Variants in KCNMB2 observed in about 807,000 individuals in gnomAD.
KCNMB2 encodes the protein calcium-activated potassium channel subunit beta-2.
KCNMB2 carries 9 observed loss-of-function variants against 24.5 expected under a neutral mutation model. That is an observed-to-expected ratio of 0.37 (90% CI 0.22 to 0.64). The LOEUF is 0.64. KCNMB2 is among the 30% of genes least tolerant of loss of function. The pLI is 0.63. For missense variants in KCNMB2, 226 were observed against 284.3 expected (o/e 0.79, Z 1.47); for synonymous variants, 109 against 104.4 (o/e 1.04, Z -0.27).
At chr3:178,782,449 C>A (rs1712896439) in intron 1 of KCNMB2, among the ~76,000 whole-genome samples, 1 of 152,050 alleles carries the variant, frequency 6.6e-6, no homozygotes, top group Admixed American at 6.6e-5. Context: ...CTCTCCAGCA[C>A]CTGTTGTTTC....
chr3:178,666,789 C>A (rs1303957952), intron 1 of KCNMB2, among the ~76,000 whole-genome samples: 1 of 152,126 alleles, frequency 6.6e-6, no homozygotes, highest in African/African-American at 2.4e-5. Flanking sequence ...ACCCTGTTAA[C>A]AACTTAATTG....
chr3:178,790,732 C>T (rs1713288900), intron 1 of KCNMB2, among the ~76,000 whole-genome samples: 1 of 152,192 alleles, frequency 6.6e-6, no homozygotes, highest in Non-Finnish European at 1.5e-5. Flanking sequence ...TGTCACCCCT[C>T]CAACAGCTCC....
intron 1 of KCNMB2, among the ~76,000 whole-genome samples, chr3:178,763,101 A>C (rs922315811): frequency 6.6e-6 from 1 of 152,178 alleles, no homozygotes; most frequent in African/African-American, 2.4e-5. Flanking sequence ...TTTGTGGTGG[A>C]AAAGGCAAGC....
intron 1 of KCNMB2, among the ~76,000 whole-genome samples, chr3:178,588,610 T>C (rs1374770534): frequency 6.6e-6 from 1 of 152,032 alleles, no homozygotes; most frequent in South Asian, 2.1e-4. Flanking sequence ...ATATAATTTT[T>C]AATTTAATTT....
intron 1 of KCNMB2, among the ~76,000 whole-genome samples, chr3:178,580,280 T>A (rs1717150734): frequency 6.6e-6 from 1 of 152,212 alleles, no homozygotes; most frequent in Non-Finnish European, 1.5e-5. Flanking sequence ...ACCACATGAT[T>A]ATCTCAATAG....
chr3:178,720,027 C>A (rs972641337), intron 1 of KCNMB2, among the ~76,000 whole-genome samples: 14 of 151,878 alleles, frequency 9.2e-5, no homozygotes, highest in Non-Finnish European at 1.8e-4. Flanking sequence ...ATGTGCACAA[C>A]GTGCCGGTTA....
intron 1 of KCNMB2, among the ~76,000 whole-genome samples, chr3:178,724,143 GTC>G (rs1464883196): frequency 1.3e-5 from 2 of 151,884 alleles, no homozygotes; most frequent in East Asian, 1.9e-4. Flanking sequence ...CCTCACCAAC[GTC>G]TGTTTTTGTT....
intron 1 of KCNMB2, among the ~76,000 whole-genome samples, chr3:178,781,001 G>T (rs1447080899): frequency 6.6e-6 from 1 of 152,150 alleles, no homozygotes; most frequent in South Asian, 2.1e-4. Context: ...ACTGCAAAGT[G>T]CTATAAGTAT....
intron 1 of KCNMB2, among the ~76,000 whole-genome samples, chr3:178,706,772 C>T (rs1047516674): frequency 1.3e-5 from 2 of 152,126 alleles, no homozygotes; most frequent in African/African-American, 2.4e-5. Context: ...ATAGTCCACA[C>T]CAATGTTTCT....
At chr3:178,759,281 C>A (rs1216255963) in intron 1 of KCNMB2, among the ~76,000 whole-genome samples, 10 of 117,192 alleles carry the variant, frequency 8.5e-5, no homozygotes, top group East Asian at 2.5e-4. Flanking sequence ...ACATATATAT[C>A]TCTCCAAGAG....
chr3:178,810,797 C>T lies in KCNMB2; in HGVS notation c.56+3332C>T, dbSNP rs144361482. On this transcript the variant is annotated intron_variant, in intron 2 of 4. Coordinates refer to ENST00000452583, the MANE Select transcript of KCNMB2 (RefSeq NM_181361.3). ...TCGCCCAGGCTGGAGTGCAGTGGTG[C>T]GATCTTGGCTCACTGCAACCTCCGC... Among the ~76,000 whole-genome samples the T allele has an allele frequency of 5.2e-3, 787 of 151,708 alleles. 7 individuals carry two copies. The highest frequency in any genetic ancestry group is 0.031 in the South Asian group (150 of 4,798).
At position 178,843,750 on chromosome 3, in the gene KCNMB2, T is replaced by G. The variant is rs1715512372; in HGVS notation, c.*813T>G. The stretch of plus-strand genomic sequence containing the variant: ...ACTGATATTTGTGTGGAAATCTTTA[T>G]TTCACTTCAATTTAACCATTAGATG... On this transcript the variant is annotated 3_prime_UTR_variant, in exon 5 of 5. Transcript: ENST00000452583. 1.3e-5 allele frequency: 2 copies of G among 152,230 alleles called. No homozygotes were observed. Among genetic ancestry groups the G allele is most frequent in the African/African-American group, 4.8e-5 (2 of 41,460 alleles). The allele number at this position is 152,230 out of a possible 1,614,324, so 9.4% of individuals were successfully genotyped here. A position where few individuals can be genotyped will look rare whatever the true frequency, so the allele number is the denominator to read the frequency against.
At position 178,843,770 on chromosome 3, in the gene KCNMB2, T is replaced by C. The variant is rs1286873055; in HGVS notation, c.*833T>C. ...CTTTATTTCACTTCAATTTAACCAT[T>C]AGATGGTAAAATTAAGATGCTACTT... On this transcript the variant is annotated 3_prime_UTR_variant, in exon 5 of 5. Coordinates refer to ENST00000452583, the MANE Select transcript of KCNMB2 (RefSeq NM_181361.3). The C allele has an allele frequency of 3.9e-5, 6 of 152,146 alleles. No individual in the cohort carries two copies. In the East Asian group the frequency reaches 7.7e-4, roughly 20 times the overall value. 9.4% of individuals were successfully genotyped at this position (152,146 alleles called of 1,614,324 possible).
At chr3:178,646,936 A>G (rs1367445544) in intron 1 of KCNMB2, among the ~76,000 whole-genome samples, 5 of 152,242 alleles carry the variant, frequency 3.3e-5, no homozygotes, top group Non-Finnish European at 5.9e-5. Context: ...CTCCATATAT[A>G]GTATTGTTGG....
chr3:178,717,305 T>C (rs1182919472), intron 1 of KCNMB2, among the ~76,000 whole-genome samples: 1 of 152,046 alleles, frequency 6.6e-6, no homozygotes, highest in Admixed American at 6.6e-5. Context: ...GCACCAAATT[T>C]TTTTCACTCA....
At chr3:178,821,547 G>C (rs1438697510) in intron 2 of KCNMB2, among the ~76,000 whole-genome samples, 1 of 152,056 alleles carries the variant, frequency 6.6e-6, no homozygotes, top group African/African-American at 2.4e-5. Flanking sequence ...CCTCTGACTG[G>C]CCTATCTCAC....
At chr3:178,543,086 A>G (rs182099411) in intron 1 of KCNMB2, among the ~76,000 whole-genome samples, 99 of 152,360 alleles carry the variant, frequency 6.5e-4, no homozygotes, top group African/African-American at 2.4e-3. Context: ...TAATACTGCA[A>G]GATTTGGTTT....
chr3:178,722,640 T>A (rs1041299317), intron 1 of KCNMB2, among the ~76,000 whole-genome samples: 1 of 152,132 alleles, frequency 6.6e-6, no homozygotes, highest in Non-Finnish European at 1.5e-5. Flanking sequence ...ATGCCTGTAA[T>A]CCCAGCACTT....
intron 1 of KCNMB2, among the ~76,000 whole-genome samples, chr3:178,608,985 C>T (rs1245433412): frequency 7.2e-5 from 11 of 152,136 alleles, no homozygotes; most frequent in African/African-American, 2.4e-4. Context: ...TACTGATTTC[C>T]TTTCTTTTGG....
Sources: allele counts gnomAD v4.1 joint callset (sites outside exome capture counted in the v4.1 genomes callset), GRCh38; gene constraint gnomAD v4.1.1; transcripts MANE v1.5; gene names NCBI Gene and HGNC (gene_info 2026-07-23, HGNC 2026-07-21).